The following RANBP2 variants were observed in gnomAD, a reference collection of about 807,000 sequenced individuals.
RANBP2 encodes the protein RAN binding protein 2, also known as E3 SUMO-protein ligase RanBP2.
RANBP2 carries 57 observed loss-of-function variants against 303.6 expected under a neutral mutation model. The observed-to-expected ratio is 0.19, with a 90% CI of 0.15 to 0.23. The LOEUF is 0.23. RANBP2 is among the 10% of genes least tolerant of loss of function. The pLI, the probability that RANBP2 is intolerant of heterozygous loss-of-function variation, is 1.00. For synonymous variants in RANBP2, 1,167 were observed against 1,301.5 expected (o/e 0.90, Z 2.23); for missense variants, 3,138 against 3,780.8 (o/e 0.83, Z 4.46).
At chr2:109,704,246 A>G in the RANBP2 span, among the ~76,000 whole-genome samples, 1 of 152,284 alleles carries the variant, frequency 6.6e-6, no homozygotes. Flanking sequence ...GAACTGCTCT[A>G]GAAAGGAAAA....
At chr2:109,517,298 C>G in the RANBP2 span, among the ~76,000 whole-genome samples, 2 of 152,198 alleles carry the variant, frequency 1.3e-5, no homozygotes, top group East Asian at 1.9e-4. Context: ...CACCAGCCCC[C>G]CTCTTTATCC....
chr2:108,798,363 A>G, the RANBP2 span: 10 of 1,552,222 alleles, frequency 6.4e-6, no homozygotes, highest in South Asian at 3.7e-5. Flanking sequence ...GTGTCAGCCA[A>G]TAGGAATATA....
At chr2:108,907,031 C>T in the RANBP2 span, among the ~76,000 whole-genome samples, 517 of 152,358 alleles carry the variant, frequency 3.4e-3, 3 homozygotes, top group African/African-American at 0.011. Flanking sequence ...GCTAGAGGGA[C>T]GACCACAGGC....
the RANBP2 span, among the ~76,000 whole-genome samples, chr2:108,958,674 C>T: frequency 6.6e-6 from 1 of 152,214 alleles, no homozygotes; most frequent in Admixed American, 6.5e-5. Flanking sequence ...AGCCCAAGTC[C>T]AGCTCTCAGG....
chr2:109,110,342 T>C, the RANBP2 span, among the ~76,000 whole-genome samples: 1 of 152,194 alleles, frequency 6.6e-6, no homozygotes, highest in Non-Finnish European at 1.5e-5. Context: ...CCTGATCGTC[T>C]CTGAACCACT....
the RANBP2 span, among the ~76,000 whole-genome samples, chr2:109,403,140 C>T: frequency 4.0e-3 from 616 of 152,290 alleles, 1 homozygote; most frequent in African/African-American, 0.014. Context: ...TATAGAAATG[C>T]GTCTGAGGCA....
At chr2:108,949,911 A>C in the RANBP2 span, among the ~76,000 whole-genome samples, 1 of 152,248 alleles carries the variant, frequency 6.6e-6, no homozygotes, top group South Asian at 2.1e-4. Flanking sequence ...CTATGAGCTC[A>C]TGGAGGCCAA....
the RANBP2 span, among the ~76,000 whole-genome samples, chr2:109,011,847 A>C: frequency 6.6e-6 from 1 of 152,106 alleles, no homozygotes; most frequent in East Asian, 1.9e-4. Flanking sequence ...CCTTGAAAAT[A>C]GTGAGTGTGC....
Position 108,782,151 on chromosome 2 carries a change from A to T in RANBP2, c.8784A>T (p.Glu2928Asp), listed in dbSNP as rs756999056. The change falls in exon 27 of 29, where the codon GAA becomes GAT. Residue 2928 changes from glutamate (E) to aspartate (D), a missense_variant. This residue lies in a region of RANBP2 where 68 missense variants were observed against 117.4 expected (regional missense o/e 0.58). Transcript: ENST00000283195. The part of the protein sequence containing the change: ...LPEVEVKSGE[E>D]DEEILFKERA... Reference sequence around the variant, plus strand: ...AGGTAGAAGTAAAATCTGGAGAAGAAGATGAAGAAATTTTGTTTAAAGAGA... The same window carrying T: ...AGGTAGAAGTAAAATCTGGAGAAGATGATGAAGAAATTTTGTTTAAAGAGA... 1.4e-5 allele frequency: 22 copies of T among 1,614,154 alleles called. No individual in the cohort carries two copies. The highest frequency in any genetic ancestry group is 1.1e-5 in the Non-Finnish European group (13 of 1,180,004).
At chr2:108,891,985 C>G in the RANBP2 span, among the ~76,000 whole-genome samples, 1 of 152,092 alleles carries the variant, frequency 6.6e-6, no homozygotes, top group African/African-American at 2.4e-5. Flanking sequence ...TGTGCCCTGT[C>G]TGAAAGAGGG....
chr2:109,457,472 G>A, the RANBP2 span, among the ~76,000 whole-genome samples: 1 of 152,234 alleles, frequency 6.6e-6, no homozygotes. Flanking sequence ...TAATAGTTGT[G>A]AGGGTTCTGC....
the RANBP2 span, among the ~76,000 whole-genome samples, chr2:108,897,902 AGACCAACTAGG>A: frequency 2.0e-5 from 3 of 152,224 alleles, no homozygotes; most frequent in Non-Finnish European, 4.4e-5. Flanking sequence ...AAAAGAAGAC[AGACCAACTAGG>A]GACCTCGATA....
chr2:109,432,706 AG>A, the RANBP2 span: 1 of 1,593,916 alleles, frequency 6.3e-7, no homozygotes, highest in Admixed American at 1.7e-5. Flanking sequence ...GGGCAAGGAG[AG>A]GGCAAGGGCC....
At chr2:109,513,816 G>A in the RANBP2 span, among the ~76,000 whole-genome samples, 3 of 152,100 alleles carry the variant, frequency 2.0e-5, no homozygotes, top group Admixed American at 2.0e-4. Flanking sequence ...TAGGGGATTG[G>A]GTATCACCAG....
the RANBP2 span, among the ~76,000 whole-genome samples, chr2:109,192,729 T>C: frequency 6.6e-6 from 1 of 152,238 alleles, no homozygotes; most frequent in South Asian, 2.1e-4. Flanking sequence ...TGGAAACTTA[T>C]TTCAGTCCCT....
the RANBP2 span, among the ~76,000 whole-genome samples, chr2:109,181,940 G>A: frequency 6.6e-6 from 1 of 152,122 alleles, no homozygotes; most frequent in Non-Finnish European, 1.5e-5. Flanking sequence ...TGGCTGTAAG[G>A]GCCTTGAATG....
chr2:108,934,104 G>A, the RANBP2 span, among the ~76,000 whole-genome samples: 3 of 152,326 alleles, frequency 2.0e-5, no homozygotes, highest in South Asian at 2.1e-4. Flanking sequence ...AGCACTTATC[G>A]AAAGGCGCAA....
the RANBP2 span, among the ~76,000 whole-genome samples, chr2:109,249,619 T>TTCTTTCTCTC: frequency 1.4e-5 from 2 of 148,118 alleles, no homozygotes; most frequent in African/African-American, 5.1e-5. Flanking sequence ...TTCTTTCTCT[T>TTCTTTCTCTC]TCTTTCTCTC....
chr2:109,013,123 C>T, the RANBP2 span, among the ~76,000 whole-genome samples: 2 of 152,212 alleles, frequency 1.3e-5, no homozygotes, highest in East Asian at 3.8e-4. Context: ...ACTGGCTCAG[C>T]CCAGTGGCTG....
Sources: gnomAD v4.1 joint callset for allele counts (sites outside exome capture counted in the v4.1 genomes callset) on GRCh38, gnomAD v4.1.1 for gene constraint, gnomAD v4.1.1 regional missense constraint, MANE v1.5 for transcripts, NCBI Gene and HGNC (gene_info 2026-07-23, HGNC 2026-07-21) for gene names.